ITSN2: variants seen among roughly 807,000 people sequenced by gnomAD.
The protein encoded by ITSN2 is intersectin 2.
ITSN2 carries 156 observed loss-of-function variants against 243.7 expected under a neutral mutation model. The ratio of observed to expected loss-of-function variants is 0.64; its 90% CI spans 0.56 to 0.73. The LOEUF is 0.73. ITSN2 is among the 30% of genes least tolerant of loss of function. ITSN2 has a pLI of 0.00. For synonymous variants in ITSN2, 703 were observed against 699.9 expected (o/e 1.00, Z -0.07); for missense variants, 1,801 against 1,996.1 (o/e 0.90, Z 1.86).
At chr2:24,324,373 G>A (rs571565991) in intron 2 of ITSN2, among the ~76,000 whole-genome samples, 1 of 152,190 alleles carries the variant, frequency 6.6e-6, no homozygotes, top group East Asian at 1.9e-4. Flanking sequence ...CAAGATTGAT[G>A]CACCAATGCT....
intron 24 of ITSN2, among the ~76,000 whole-genome samples, chr2:24,253,941 T>C (rs1674684581): frequency 1.3e-5 from 2 of 152,170 alleles, no homozygotes; most frequent in African/African-American, 2.4e-5. Flanking sequence ...CAAAGGGATA[T>C]AGAAAAAAAT....
In ITSN2 at chr2:24,337,329, T is replaced by TACATATATATATATATATATATAC. The variant is rs1435357275; in HGVS notation, c.-33-9215_-33-9214insGTATATATATATATATATATATGT. ...TGTATACACAAAATATATATATATA[T>TACATATATATATATATATATATAC]ATATATATATATATATATATATATG... On this transcript the variant is annotated intron_variant, in intron 1 of 39. Coordinates refer to ENST00000355123, the MANE Select transcript of ITSN2 (RefSeq NM_006277.3). Among the ~76,000 whole-genome samples the TACATATATATATATATATATATAC allele has an allele frequency of 3.2e-5, 3 of 94,462 alleles. 1 individual carries two copies. The highest frequency in any genetic ancestry group is 4.2e-5 in the Non-Finnish European group (2 of 47,100). 62.0% of individuals were successfully genotyped at this position (94,462 alleles called of 152,430 possible).
intron 24 of ITSN2, 69 bp downstream of exon 24, chr2:24,254,298 T>G (rs147997132): frequency 1.0e-6 from 1 of 996,942 alleles, no homozygotes; most frequent in African/African-American, 1.6e-5. Context: ...ACAGCAACTA[T>G]GTGAAGTCAG....
At chr2:24,358,646 G>A (rs1253987696) in intron 1 of ITSN2, among the ~76,000 whole-genome samples, 2 of 152,058 alleles carry the variant, frequency 1.3e-5, no homozygotes. Flanking sequence ...ACTACATAAG[G>A]TTAAAGGATT....
chr2:24,247,021 G>C, intron 27 of ITSN2, 128 bp from the exon 28 acceptor site: 1 of 641,418 alleles, frequency 1.6e-6, no homozygotes, highest in Non-Finnish European at 2.7e-6. Flanking sequence ...AGAGAGGTCT[G>C]GTTTTTGCCC....
intron 37 of ITSN2, among the ~76,000 whole-genome samples, chr2:24,207,451 G>A (rs1669014068): frequency 6.6e-6 from 1 of 152,124 alleles, no homozygotes; most frequent in African/African-American, 2.4e-5. Flanking sequence ...TGGGAGCAGC[G>A]GGGCAGGTGG....
intron 17 of ITSN2, among the ~76,000 whole-genome samples, chr2:24,282,955 C>T (rs931807946): frequency 6.6e-6 from 1 of 151,740 alleles, no homozygotes; most frequent in Non-Finnish European, 1.5e-5. Context: ...CAATCTTTCT[C>T]TCTTTCCCCC....
Position 24,300,016 on chromosome 2 carries a change from C to T in ITSN2, c.1237G>A (p.Glu413Lys). The part of the protein sequence containing the change: ...EWERKQRELQ[E>K]QEWKKQLELE... ...TCAAGTTGTTTCTTCCATTCTTGTT[C>T]TTGTAATTCTCTCTGTTTTCGTTCC... Residue 413 changes from glutamate (E) to lysine (K), a missense_variant, in exon 12 of 40, where the codon GAA (glutamate) becomes AAA (lysine). Physicochemically the swap from Glu to Lys is moderately conservative, Grantham distance 56 (BLOSUM62 1). Around this residue, in one of 5 missense-constraint regions of ITSN2, gnomAD observed 787 missense variants for 803.9 expected, o/e 0.98. Transcript: ENST00000355123. 1.9e-6 allele frequency: 3 copies of T among 1,614,116 alleles called. No homozygotes were observed. The highest frequency in any genetic ancestry group is 2.5e-6 in the Non-Finnish European group (3 of 1,180,028).
intron 7 of ITSN2, 109 bp from the exon 8 acceptor site, chr2:24,308,865 C>A (rs1341625532): frequency 5.5e-6 from 4 of 728,264 alleles, no homozygotes; most frequent in Non-Finnish European, 9.1e-6. Context: ...TCCTGAACCC[C>A]CGGGCCACCG....
chr2:24,326,372 A>C (rs923903907), intron 2 of ITSN2, among the ~76,000 whole-genome samples: 1 of 152,194 alleles, frequency 6.6e-6, no homozygotes, highest in Non-Finnish European at 1.5e-5. Context: ...GGAATGGAAG[A>C]AGCAGAATAA....
At chr2:24,344,900 C>T (rs1426372371) in intron 1 of ITSN2, among the ~76,000 whole-genome samples, 1 of 151,932 alleles carries the variant, frequency 6.6e-6, no homozygotes. Context: ...TGCAGTGAGC[C>T]CAGATTGCGC....
At chr2:24,284,954 T>C (rs920635230) in intron 16 of ITSN2, 111 bp from the exon 17 acceptor site, 1 of 554,214 alleles carries the variant, frequency 1.8e-6, no homozygotes, top group Non-Finnish European at 3.2e-6. Flanking sequence ...TGGACTGCAG[T>C]GGCGCAATCT....
intron 1 of ITSN2, among the ~76,000 whole-genome samples, chr2:24,328,579 T>C (rs1401181515): frequency 1.3e-5 from 2 of 152,030 alleles, no homozygotes; most frequent in Middle Eastern, 6.3e-3. Context: ...TCTCATACCT[T>C]GGCCACCTGA....
intron 19 of ITSN2, 48 bp from the exon 20 acceptor site, chr2:24,270,816 T>C (rs1266139863): frequency 2.0e-6 from 2 of 982,996 alleles, no homozygotes; most frequent in African/African-American, 3.3e-5. Context: ...TGTATACATC[T>C]TTGCTATGAC....
chr2:24,306,697 G>A (rs1682586542), intron 8 of ITSN2, among the ~76,000 whole-genome samples: 1 of 152,086 alleles, frequency 6.6e-6, no homozygotes, highest in Non-Finnish European at 1.5e-5. Context: ...TAGAGAGATG[G>A]GGTCTCACTA....
intron 19 of ITSN2, among the ~76,000 whole-genome samples, chr2:24,271,209 T>C (rs1488621805): frequency 6.6e-6 from 1 of 152,074 alleles, no homozygotes; most frequent in Non-Finnish European, 1.5e-5. Context: ...AATCTATACA[T>C]CTATCAGAAT....
rs544491182 is a variant in ITSN2 at position 24,331,228 on chromosome 2, C to T, written c.-33-3113G>A. Among the ~76,000 whole-genome samples, 48 of 151,840 alleles carry T rather than the reference C, an allele frequency of 3.2e-4. No individual in the cohort carries two copies. In the Middle Eastern group the frequency reaches 0.017, roughly 54 times the overall value. ...CTGGGATTACAGTTGCGCATCATCA[C>T]GCCCGGCTAATTTTTTGTATTTTTA... On this transcript the variant is annotated intron_variant, in intron 1 of 39. Coordinates refer to ENST00000355123, the MANE Select transcript of ITSN2 (RefSeq NM_006277.3).
chr2:24,241,700 T>C (rs1486184690), intron 29 of ITSN2: 1 of 152,626 alleles, frequency 6.6e-6, no homozygotes, highest in Non-Finnish European at 1.5e-5. Flanking sequence ...AACCACATAT[T>C]GAGCTAATTA....
intron 20 of ITSN2, among the ~76,000 whole-genome samples, chr2:24,264,593 A>C (rs149973057): frequency 3.8e-5 from 2 of 52,670 alleles, no homozygotes; most frequent in East Asian, 1.2e-3. Context: ...ATTGAAATTC[A>C]TTTTTTTGCA....
Sources: allele counts gnomAD v4.1 joint callset (sites outside exome capture counted in the v4.1 genomes callset), GRCh38; gene constraint gnomAD v4.1.1; regional missense constraint gnomAD v4.1.1; transcripts MANE v1.5; gene names NCBI Gene and HGNC (gene_info 2026-07-23, HGNC 2026-07-21).